Variants in PXDN observed in about 807,000 individuals in gnomAD.
PXDN encodes peroxidasin homolog.
Under a neutral mutation model 140.3 loss-of-function variants are expected in PXDN, and 77 were observed. That is an observed-to-expected ratio of 0.55 (90% CI 0.46 to 0.66). The LOEUF (loss-of-function observed/expected upper bound fraction) is 0.66, where lower values mean the gene tolerates loss of function less well. Ranked by LOEUF, PXDN falls within the 30% of genes least tolerant of loss-of-function variation. The probability of loss-of-function intolerance (pLI) is 0.00; values close to 1 mark genes in which losing one functional copy is unlikely to be tolerated. For missense variants in PXDN, 1,838 were observed against 2,039.5 expected (o/e 0.90, Z 1.90); for synonymous variants, 911 against 857.4 (o/e 1.06, Z -1.09).
chr2:1,668,499 G>A (rs777785300), intron 9 of PXDN, among the ~76,000 whole-genome samples: 1 of 151,704 alleles, frequency 6.6e-6, no homozygotes, highest in Non-Finnish European at 1.5e-5. Context: ...AGAAACTATC[G>A]TCAGAGTGAA....
rs1558482968 is a variant in PXDN at position 1,638,767 on chromosome 2, C to CAT, written c.4206+78_4206+79insAT. The CAT allele has an allele frequency of 7.2e-4, 1,139 of 1,590,818 alleles. 9 individuals carry two copies. In the East Asian group the frequency reaches 0.021, roughly 29 times the overall value. On this transcript the variant is annotated intron_variant, in intron 21 of 22. Coordinates refer to ENST00000252804, the MANE Select transcript of PXDN (RefSeq NM_012293.3). Reference sequence around the variant, plus strand: ...TGAACAGTTGCCTGGGAATAAAATGCTATACCCAGAAGGTTCGGGCAGGGC... The same window carrying CAT: ...TGAACAGTTGCCTGGGAATAAAATGCATTATACCCAGAAGGTTCGGGCAGGGC...
chr2:1,711,327 CCGCTCCACCAGCACCCA>C (rs748218700), intron 1 of PXDN, among the ~76,000 whole-genome samples: 981 of 57,440 alleles, frequency 0.017, 86 homozygotes, highest in Non-Finnish European at 0.029. Flanking sequence ...CCACCAGCAC[CCGCTCCACCAGCACCCA>C]CTCTCCACCA....
At position 1,648,455 on chromosome 2, in the gene PXDN, C is replaced by G; in HGVS notation, c.3325G>C (p.Val1109Leu). ...HKAFFSPFRIVNEGGIDPLLR... is the reference protein window; with the variant it reads ...HKAFFSPFRILNEGGIDPLLR... ...AGCGGATCGATGCCGCCCTCATTCA[C>G]AATCCGGAAGGGAGAGAAGAAAGCT... The change falls in exon 17 of 23, where the codon GTG becomes CTG. Residue 1109 changes from valine to leucine, a missense_variant. By Grantham distance (32) the Val-to-Leu change is conservative. Transcript: ENST00000252804. The surrounding 1 kb of genome is among the most constrained non-coding windows in gnomAD (Gnocchi z 8.9). The G allele has an allele frequency of 6.2e-7, 1 of 1,610,724 alleles. No individual in the cohort carries two copies. The highest frequency in any genetic ancestry group is 2.2e-5 in the East Asian group (1 of 44,866).
chr2:1,712,260 T>G (rs1684802500), intron 1 of PXDN, among the ~76,000 whole-genome samples: 1 of 152,254 alleles, frequency 6.6e-6, no homozygotes, highest in African/African-American at 2.4e-5. Flanking sequence ...TTTCTGAGTT[T>G]AATCAGCAAA....
rs974697695 is a variant in PXDN, at chr2:1,685,362, G to T, written c.417-1211C>A. Among the ~76,000 whole-genome samples the T allele has an allele frequency of 3.3e-5, 5 of 152,226 alleles. No individual in the cohort carries two copies. Among genetic ancestry groups the T allele is most frequent in the Non-Finnish European group, 5.9e-5 (4 of 68,040 alleles). On this transcript the variant is annotated intron_variant, in intron 4 of 22. Transcript: ENST00000252804. The surrounding 1 kb of genome is among the most constrained non-coding windows in gnomAD (Gnocchi z 5.1). ...CGAGCATGACGGGCGGGCACCTGAC[G>T]CGCGGGTCCCGAGGAAGGCCGAACC...
chr2:1,642,270 CAG>C lies in PXDN; in HGVS notation c.3952+1096_3952+1097del, dbSNP rs574021828. The stretch of plus-strand genomic sequence containing the variant: ...CACACCCCACAGTCGCACACAGACA[CAG>C]AGGCACGCACTCTCTTAGAAGAAGC... On this transcript the variant is annotated intron_variant, in intron 19 of 22. Transcript: ENST00000252804. 8.5e-5 allele frequency among the ~76,000 whole-genome samples: 13 copies of C among 152,268 alleles called. 2 individuals carry two copies. The South Asian group carries it at 2.1e-3, about 24-fold the overall frequency.
chr2:1,686,256 C>T (rs552725515), intron 4 of PXDN, among the ~76,000 whole-genome samples: 25 of 152,290 alleles, frequency 1.6e-4, no homozygotes, highest in African/African-American at 3.6e-4. Flanking sequence ...CACTGTACAG[C>T]GTTTAACGAA....
Position 1,649,010 on chromosome 2 carries a change from G to A in PXDN, c.2770C>T (p.Arg924Cys), listed in dbSNP as rs780029685. The A allele has an allele frequency of 2.2e-5, 35 of 1,612,406 alleles. No individual in the cohort carries two copies. Among genetic ancestry groups the A allele is most frequent in the Non-Finnish European group, 2.6e-5 (31 of 1,179,774 alleles). The stretch of plus-strand genomic sequence containing the variant: ...TGGCTGGCCAGGTCGCGGATGCTGC[G>A]GGCCTCATGCTCCGTGCTCCCGTAC... ...NVYGSTEHEA[R>C]SIRDLASHRG... Residue 924 changes from arginine to cysteine, a missense_variant, in exon 17 of 23, where the codon CGC (arginine) becomes TGC (cysteine). By Grantham distance (180) the Arg-to-Cys change is radical (BLOSUM62 -3). Transcript: ENST00000252804. The surrounding 1 kb of genome is among the most constrained non-coding windows in gnomAD (Gnocchi z 7.1).
chr2:1,690,731 G>A (rs918111937), intron 3 of PXDN, among the ~76,000 whole-genome samples: 2 of 151,070 alleles, frequency 1.3e-5, no homozygotes, highest in African/African-American at 4.9e-5. Flanking sequence ...GTGGGACCAG[G>A]CTTCATCATG....
At position 1,633,569 on chromosome 2, in the gene PXDN, CAG is replaced by C. The variant is rs1682469762; in HGVS notation, c.*633_*634del. On this transcript the variant is annotated 3_prime_UTR_variant, in exon 23 of 23. Coordinates refer to ENST00000252804, the MANE Select transcript of PXDN (RefSeq NM_012293.3). ...GATGCTGACGTGTGGTGAAATGTTA[CAG>C]AGAGCCCAGAGGAAGGAGGAGTTCA... The C allele has an allele frequency of 6.6e-6, 1 of 151,750 alleles. No homozygotes were observed. 9.4% of individuals were successfully genotyped at this position (151,750 alleles called of 1,614,324 possible).
intron 9 of PXDN, among the ~76,000 whole-genome samples, chr2:1,673,029 T>A (rs1003731913): frequency 6.6e-6 from 1 of 152,322 alleles, no homozygotes; most frequent in Non-Finnish European, 1.5e-5. Flanking sequence ...CTCAATCCGC[T>A]GTTCTTCAAG....
Position 1,685,650 on chromosome 2 carries a change from G to T in PXDN, c.417-1499C>A, listed in dbSNP as rs1466112577. Among the ~76,000 whole-genome samples, 1 of 152,154 alleles carries T rather than the reference G, an allele frequency of 6.6e-6. No homozygotes were observed. The highest frequency in any genetic ancestry group is 1.5e-5 in the Non-Finnish European group (1 of 68,024). On this transcript the variant is annotated intron_variant, in intron 4 of 22. Transcript: ENST00000252804. The surrounding 1 kb of genome is among the most constrained non-coding windows in gnomAD (Gnocchi z 5.1). Reference sequence around the variant, plus strand: ...GGGGGTATTTCAAGCCCCACGGAGAGCGATGGGTGTAAAAATCCCTCCACC... The same window carrying T: ...GGGGGTATTTCAAGCCCCACGGAGATCGATGGGTGTAAAAATCCCTCCACC...
intron 1 of PXDN, among the ~76,000 whole-genome samples, chr2:1,731,397 G>T (rs958414462): frequency 1.3e-5 from 2 of 151,956 alleles, no homozygotes; most frequent in Non-Finnish European, 2.9e-5. Context: ...GACGTGTGCT[G>T]TCTCTCCAGT....
chr2:1,636,224 C>T (rs1265885072), intron 21 of PXDN: 1 of 154,148 alleles, frequency 6.5e-6, no homozygotes, highest in Non-Finnish European at 1.4e-5. Context: ...AGTTTTCCGT[C>T]CCTTGCATTT....
intron 22 of PXDN, among the ~76,000 whole-genome samples, chr2:1,634,543 C>T (rs758774468): frequency 6.6e-6 from 1 of 152,180 alleles, no homozygotes; most frequent in Non-Finnish European, 1.5e-5. Context: ...GCCCCCATAA[C>T]AAGTCTCCCT....
chr2:1,740,789 G>A (rs960038332), intron 1 of PXDN, among the ~76,000 whole-genome samples: 3 of 149,412 alleles, frequency 2.0e-5, no homozygotes, highest in Non-Finnish European at 2.9e-5. Flanking sequence ...AGCACACGGC[G>A]TGGGCCTAAC....
chr2:1,697,368 G>T (rs1193011632), intron 1 of PXDN, among the ~76,000 whole-genome samples: 1 of 152,106 alleles, frequency 6.6e-6, no homozygotes, highest in Non-Finnish European at 1.5e-5. Context: ...GGTCATCATT[G>T]ACATAAAGCT....
chr2:1,737,062 C>T (rs965518679), intron 1 of PXDN, among the ~76,000 whole-genome samples: 1 of 152,194 alleles, frequency 6.6e-6, no homozygotes, highest in Non-Finnish European at 1.5e-5. Context: ...AACACCCTGC[C>T]CTGGTGCTCC....
At chr2:1,712,054 T>C (rs1236484085) in intron 1 of PXDN, among the ~76,000 whole-genome samples, 1 of 150,186 alleles carries the variant, frequency 6.7e-6, no homozygotes, top group Non-Finnish European at 1.5e-5. Flanking sequence ...TTGAGGAATA[T>C]ATATTGATCA....
Sources: gnomAD v4.1 joint callset for allele counts (sites outside exome capture counted in the v4.1 genomes callset) on GRCh38, gnomAD v4.1.1 for gene constraint, Gnocchi (gnomAD v3.1) non-coding constraint, MANE v1.5 for transcripts, NCBI Gene and HGNC (gene_info 2026-07-23, HGNC 2026-07-21) for gene names.